Variants in CACNA2D4 observed in about 807,000 individuals in gnomAD.
CACNA2D4 encodes the protein voltage-dependent calcium channel subunit alpha-2/delta-4.
A neutral mutation model predicts 163.8 loss-of-function variants in CACNA2D4; 157 were observed. The ratio of observed to expected loss-of-function variants is 0.96; its 90% CI spans 0.84 to 1.09. CACNA2D4 has a LOEUF of 1.09. Among genes scored for constraint, CACNA2D4 ranks in the 50% least tolerant of loss-of-function variants. The pLI, the probability that CACNA2D4 is intolerant of heterozygous loss-of-function variation, is 0.00. For missense variants in CACNA2D4, 1,410 were observed against 1,479.9 expected, an observed-to-expected ratio of 0.95 and a Z score of 0.78; for synonymous variants, 598 against 586.9, an observed-to-expected ratio of 1.02 and a Z score of -0.27.
intron 18 of CACNA2D4, among the ~76,000 whole-genome samples, chr12:1,864,901 C>T (rs1457199580): frequency 2.0e-5 from 3 of 152,208 alleles, no homozygotes; most frequent in African/African-American, 7.2e-5. Flanking sequence ...AGCTGGATTC[C>T]TCGTAGGAAA....
intron 20 of CACNA2D4, among the ~76,000 whole-genome samples, chr12:1,858,138 G>A (rs993047889): frequency 2.0e-5 from 3 of 152,170 alleles, no homozygotes; most frequent in South Asian, 2.1e-4. Context: ...ACATGTCTGC[G>A]GTTTTAGGAT....
intron 6 of CACNA2D4, among the ~76,000 whole-genome samples, chr12:1,906,830 G>A (rs74059655): frequency 1.3e-5 from 2 of 152,186 alleles, no homozygotes; most frequent in South Asian, 2.1e-4. Context: ...GAGTCCTCTC[G>A]GGCCTTTCTG....
intron 4 of CACNA2D4, among the ~76,000 whole-genome samples, chr12:1,908,558 G>GGCC (rs769891387): frequency 6.6e-5 from 10 of 151,994 alleles, no homozygotes; most frequent in Non-Finnish European, 1.5e-4. Flanking sequence ...GTGGAGCCCC[G>GGCC]GCCCCGTTTC....
chr12:1,804,761 C>G (rs1592654768), intron 29 of CACNA2D4, among the ~76,000 whole-genome samples: 1 of 152,386 alleles, frequency 6.6e-6, no homozygotes, highest in Non-Finnish European at 1.5e-5. Flanking sequence ...CTCTTGCGCT[C>G]TGGGAAGTGG....
chr12:1,869,664 C>T lies in CACNA2D4; in HGVS notation c.1878+4940G>A, dbSNP rs1250679526. 6.6e-6 allele frequency among the ~76,000 whole-genome samples: 1 copy of T among 152,226 alleles called. No homozygotes were observed. The highest frequency in any genetic ancestry group is 6.5e-5 in the Admixed American group (1 of 15,290). Reference sequence around the variant, plus strand: ...CTTCAAGCTCACCATTGGATGCAGACACCAGCTTTCCATAGATTTCATAAA... The same window carrying T: ...CTTCAAGCTCACCATTGGATGCAGATACCAGCTTTCCATAGATTTCATAAA... On this transcript the variant is annotated intron_variant, in intron 18 of 37. Transcript: ENST00000382722. The surrounding 1 kb of genome is among the most constrained non-coding windows in gnomAD (Gnocchi z 4.7).
rs758579527 is a variant in CACNA2D4, at chr12:1,844,962, G to A, written c.2343-433C>T. On this transcript the variant is annotated intron_variant, in intron 24 of 37. Transcript: ENST00000382722. This position sits in a 1 kb window ranked among gnomAD's most constrained non-coding sequence, Gnocchi z 4.2. ...GCCTCTAGGTTTTTGCATACATTAT[G>A]AGTTTCCTTTTTTTGAGCAGCTTTA... 6.6e-6 allele frequency among the ~76,000 whole-genome samples: 1 copy of A among 151,944 alleles called. No homozygotes were observed. Among genetic ancestry groups the A allele is most frequent in the African/African-American group, 2.4e-5 (1 of 41,356 alleles).
In CACNA2D4 at chr12:1,908,145, G is replaced by A. The variant is rs553731603; in HGVS notation, c.487-108C>T. 10 of 1,199,432 alleles carry A rather than the reference G, an allele frequency of 8.3e-6. No individual in the cohort carries two copies. In the East Asian group the frequency reaches 1.9e-4, roughly 23 times the overall value. The allele number at this position is 1,199,432 out of a possible 1,614,324, so 74.3% of individuals were successfully genotyped here. The stretch of plus-strand genomic sequence containing the variant: ...GAGGACGAGAGGGCCGGGGCCGGGC[G>A]GCCATCAGAGTCTACACAAGCACCC... On this transcript the variant is annotated intron_variant, in intron 4 of 37. Coordinates refer to ENST00000382722, the MANE Select transcript of CACNA2D4 (RefSeq NM_172364.5).
At chr12:1,859,466 A>G (rs1446018920) in intron 19 of CACNA2D4, among the ~76,000 whole-genome samples, 1 of 152,230 alleles carries the variant, frequency 6.6e-6, no homozygotes. Flanking sequence ...GAGAAATCAG[A>G]TAATTCAGAG....
At position 1,883,249 on chromosome 12, in the gene CACNA2D4, C is replaced by T. The variant is rs560249865; in HGVS notation, c.1352-249G>A. On this transcript the variant is annotated intron_variant, in intron 12 of 37. Transcript: ENST00000382722. This position sits in a 1 kb window ranked among gnomAD's most constrained non-coding sequence, Gnocchi z 4.5. Reference sequence around the variant, plus strand: ...TGAGGGGCTGTCCCACCCAGAGCTCCGGAAGGAGCAGCAGGGCCTGACGCA... The same window carrying T: ...TGAGGGGCTGTCCCACCCAGAGCTCTGGAAGGAGCAGCAGGGCCTGACGCA... Among the ~76,000 whole-genome samples the T allele has an allele frequency of 3.3e-5, 5 of 152,298 alleles. No homozygotes were observed. The highest frequency in any genetic ancestry group is 1.9e-4 in the East Asian group (1 of 5,176).
chr12:1,906,334 T>A (rs1240493991), intron 6 of CACNA2D4, among the ~76,000 whole-genome samples: 1 of 151,844 alleles, frequency 6.6e-6, no homozygotes, highest in Non-Finnish European at 1.5e-5. Flanking sequence ...TCAGAAAAAA[T>A]TTAAAAGTTT....
At chr12:1,838,140 T>C (rs916982838) in intron 26 of CACNA2D4, among the ~76,000 whole-genome samples, 38 of 152,196 alleles carry the variant, frequency 2.5e-4, no homozygotes, top group Non-Finnish European at 2.9e-5. Context: ...ATCCAAAAGT[T>C]AGATCTCTGG....
Position 1,856,164 on chromosome 12 carries a change from A to G in CACNA2D4, c.2054+20T>C. ...AAAACATTCCACCTGTCTCCCTCCC[A>G]TTTTTTACTCCTCACTTACCAGTCA... On this transcript the variant is annotated intron_variant, in intron 21 of 37. Transcript: ENST00000382722. 6.2e-6 allele frequency: 10 copies of G among 1,613,838 alleles called. No individual in the cohort carries two copies. The highest frequency in any genetic ancestry group is 4.5e-5 in the East Asian group (2 of 44,876).
intron 22 of CACNA2D4, among the ~76,000 whole-genome samples, chr12:1,855,428 C>G (rs553573798): frequency 8.5e-5 from 13 of 152,316 alleles, no homozygotes; most frequent in South Asian, 8.3e-4. Flanking sequence ...GCCTAATGAG[C>G]TCACCACTCG....
intron 2 of CACNA2D4, among the ~76,000 whole-genome samples, chr12:1,913,385 G>A (rs1866883399): frequency 6.6e-6 from 1 of 152,226 alleles, no homozygotes; most frequent in Non-Finnish European, 1.5e-5. Context: ...AGCCTTAACA[G>A]GGGAGTAGAC....
chr12:1,877,286 C>T (rs1865903317), intron 16 of CACNA2D4, among the ~76,000 whole-genome samples: 1 of 152,172 alleles, frequency 6.6e-6, no homozygotes, highest in African/African-American at 2.4e-5. Flanking sequence ...CTCAATTCTA[C>T]AAGTCAGCTC....
At chr12:1,906,956 G>A (rs999307959) in intron 6 of CACNA2D4, among the ~76,000 whole-genome samples, 1 of 152,254 alleles carries the variant, frequency 6.6e-6, no homozygotes, top group Non-Finnish European at 1.5e-5. Flanking sequence ...GAATCAAAAA[G>A]AGGTAGAACT....
chr12:1,815,659 A>G (rs920931535), intron 26 of CACNA2D4, among the ~76,000 whole-genome samples: 6 of 144,212 alleles, frequency 4.2e-5, no homozygotes, highest in Non-Finnish European at 8.8e-5. Flanking sequence ...AGCAAATTCA[A>G]TTTGAGCCAG....
At chr12:1,909,058 C>T (rs1026223947) in intron 4 of CACNA2D4, among the ~76,000 whole-genome samples, 1 of 152,208 alleles carries the variant, frequency 6.6e-6, no homozygotes, top group Non-Finnish European at 1.5e-5. Flanking sequence ...CAGGCTCCTA[C>T]GCTGACACCC....
intron 29 of CACNA2D4, among the ~76,000 whole-genome samples, chr12:1,804,627 A>C (rs1863458785): frequency 6.6e-6 from 1 of 152,240 alleles, no homozygotes. Flanking sequence ...CCATGTGCTC[A>C]GCGAAAAGAC....
Sources: allele counts gnomAD v4.1 joint callset (sites outside exome capture counted in the v4.1 genomes callset), GRCh38; gene constraint gnomAD v4.1.1; non-coding constraint Gnocchi (gnomAD v3.1); transcripts MANE v1.5; gene names NCBI Gene and HGNC (gene_info 2026-07-23, HGNC 2026-07-21).